The following MTCL2 variants were observed in gnomAD, a reference collection of about 807,000 sequenced individuals.
MTCL2 encodes microtubule cross-linking factor 2.
the MTCL2 span, among the ~76,000 whole-genome samples, chr20:36,805,546 T>A: frequency 6.6e-6 from 1 of 152,168 alleles, no homozygotes; most frequent in East Asian, 1.9e-4. Flanking sequence ...CACACAGAGT[T>A]CTCTTGGTCC....
the MTCL2 span, chr20:36,779,279 TC>T: frequency 6.6e-6 from 1 of 152,412 alleles, no homozygotes; most frequent in African/African-American, 2.4e-5. Flanking sequence ...AGTGGTGAGG[TC>T]CAGAGGAGAA....
chr20:36,787,548 G>C, the MTCL2 span, among the ~76,000 whole-genome samples: 1 of 151,840 alleles, frequency 6.6e-6, no homozygotes, highest in Non-Finnish European at 1.5e-5. Context: ...TGTACATCTG[G>C]GTAGTTTCTA....
At chr20:36,780,218 T>C in the MTCL2 span, 1 of 151,258 alleles carries the variant, frequency 6.6e-6, no homozygotes, top group African/African-American at 2.4e-5. Context: ...ACAAATACTA[T>C]ATGATTCTAC....
the MTCL2 span, chr20:36,862,619 C>T: frequency 1.4e-6 from 2 of 1,462,036 alleles, no homozygotes; most frequent in South Asian, 1.3e-5. Flanking sequence ...TGACAGCCGG[C>T]GACCCCTGCG....
chr20:36,808,557 G>A, the MTCL2 span: 10 of 1,608,872 alleles, frequency 6.2e-6, no homozygotes, highest in African/African-American at 5.4e-5. Context: ...TTGCCCTGCC[G>A]CCAGCGCTTG....
chr20:36,844,392 CAAAAAA>C, the MTCL2 span, among the ~76,000 whole-genome samples: 38 of 149,222 alleles, frequency 2.5e-4, 1 homozygote, highest in South Asian at 1.3e-3. Context: ...CTCATCTCTA[CAAAAAA>C]AAAATAATAA....
the MTCL2 span, among the ~76,000 whole-genome samples, chr20:36,787,222 C>A: frequency 6.6e-6 from 1 of 151,962 alleles, no homozygotes; most frequent in African/African-American, 2.4e-5. Context: ...ATACCCAATT[C>A]GCTTTTTTTA....
At chr20:36,800,787 C>T in the MTCL2 span, among the ~76,000 whole-genome samples, 4 of 152,202 alleles carry the variant, frequency 2.6e-5, no homozygotes, top group Non-Finnish European at 5.9e-5. Flanking sequence ...CTTGGGCAGA[C>T]ATTTCAAAGA....
the MTCL2 span, among the ~76,000 whole-genome samples, chr20:36,801,793 C>CT: frequency 6.8e-6 from 1 of 146,714 alleles, no homozygotes. Context: ...TGGTGAACCC[C>CT]ATCTCTACTA....
At chr20:36,803,225 C>T in the MTCL2 span, 1 of 1,421,620 alleles carries the variant, frequency 7.0e-7, no homozygotes, top group Non-Finnish European at 9.3e-7. Context: ...CAGAAGACCC[C>T]TCACTAGGGA....
At chr20:36,817,222 G>T in the MTCL2 span, among the ~76,000 whole-genome samples, 1 of 145,342 alleles carries the variant, frequency 6.9e-6, no homozygotes, top group East Asian at 2.0e-4. Context: ...AGCTGAGATT[G>T]TGCCACTGCA....
the MTCL2 span, among the ~76,000 whole-genome samples, chr20:36,802,490 T>C: frequency 6.6e-6 from 1 of 152,118 alleles, no homozygotes; most frequent in East Asian, 1.9e-4. Context: ...TCCTCCCTCT[T>C]GGTTCCTGGG....
the MTCL2 span, among the ~76,000 whole-genome samples, chr20:36,787,669 C>T: frequency 4.6e-5 from 7 of 150,608 alleles, no homozygotes; most frequent in Non-Finnish European, 8.9e-5. Context: ...AGGTGGATCA[C>T]GAGGTCAGGA....
chr20:36,784,409 G>A, the MTCL2 span: 21 of 985,544 alleles, frequency 2.1e-5, no homozygotes, highest in African/African-American at 3.5e-5. Flanking sequence ...AGGTGATCCC[G>A]AATGGGTGGG....
the MTCL2 span, chr20:36,829,064 C>T: frequency 6.5e-6 from 10 of 1,549,432 alleles, no homozygotes; most frequent in Middle Eastern, 3.4e-4. Context: ...CTCTCTCGGT[C>T]GCTCCAGCTC....
chr20:36,783,850 TA>T, the MTCL2 span: 1 of 985,258 alleles, frequency 1.0e-6, no homozygotes, highest in East Asian at 1.1e-4. Context: ...AGTTACCAAG[TA>T]AAATGCTAAA....
the MTCL2 span, among the ~76,000 whole-genome samples, chr20:36,827,329 AGGCGTGAGCCACT>A: frequency 6.8e-6 from 1 of 147,610 alleles, no homozygotes; most frequent in East Asian, 2.0e-4. Context: ...CTGGGATTAC[AGGCGTGAGCCACT>A]GTGCCTGGAC....
chr20:36,808,748 CG>C, the MTCL2 span: 2 of 1,575,000 alleles, frequency 1.3e-6, no homozygotes. Flanking sequence ...CTTCAGCTGC[CG>C]GGGGACAAGA....
the MTCL2 span, among the ~76,000 whole-genome samples, chr20:36,787,567 C>T: frequency 6.6e-6 from 1 of 151,942 alleles, no homozygotes; most frequent in Non-Finnish European, 1.5e-5. Context: ...TAATTTTTTA[C>T]TATTACCAAT....
Sources: gnomAD v4.1 joint callset for allele counts (sites outside exome capture counted in the v4.1 genomes callset) on GRCh38, gnomAD v4.1.1 for gene constraint, MANE v1.5 for transcripts, NCBI Gene and HGNC (gene_info 2026-07-23, HGNC 2026-07-21) for gene names.